CFAP251: variants seen among roughly 807,000 people sequenced by gnomAD.
CFAP251 encodes the protein cilia- and flagella-associated protein 251.
A neutral mutation model predicts 126.7 loss-of-function variants in CFAP251; 93 were observed. The ratio of observed to expected loss-of-function variants is 0.73; its 90% CI spans 0.62 to 0.87. The LOEUF (loss-of-function observed/expected upper bound fraction) is 0.87. Among genes scored for constraint, CFAP251 ranks in the 40% least tolerant of loss-of-function variants. CFAP251 has a pLI of 0.00. For missense variants in CFAP251, 1,287 were observed against 1,389.2 expected (o/e 0.93, Z 1.17); for synonymous variants, 503 against 506.9 (o/e 0.99, Z 0.10).
At chr12:121,987,542 C>G (rs1882779060) in intron 19 of CFAP251, among the ~76,000 whole-genome samples, 1 of 151,932 alleles carries the variant, frequency 6.6e-6, no homozygotes, top group Admixed American at 6.6e-5. Context: ...TGGTGAAGCC[C>G]TGTCTCTACT....
At chr12:121,954,585 A>C (rs1319827179) in intron 10 of CFAP251, among the ~76,000 whole-genome samples, 1 of 126,192 alleles carries the variant, frequency 7.9e-6, no homozygotes, top group Admixed American at 1.0e-4. Flanking sequence ...GCAATGAGCT[A>C]TCATTGCCAC....
At chr12:121,972,270 G>C (rs889387830) in intron 17 of CFAP251, among the ~76,000 whole-genome samples, 1 of 152,214 alleles carries the variant, frequency 6.6e-6, no homozygotes, top group Non-Finnish European at 1.5e-5. Context: ...GAACTTCCTA[G>C]AGACTTGTTG....
chr12:121,951,548 AT>A lies in CFAP251; in HGVS notation c.1320+23del. The A allele has an allele frequency of 1.3e-6, 2 of 1,566,456 alleles. No homozygotes were observed. The highest frequency in any genetic ancestry group is 1.8e-6 in the Non-Finnish European group (2 of 1,142,242). On this transcript the variant is annotated intron_variant, in intron 9 of 21. Coordinates refer to ENST00000288912, the MANE Select transcript of CFAP251 (RefSeq NM_144668.6). ...CTGAAAAAGTGAGTATGCCTATTGC[AT>A]TTTTGTCCATCAGATTTTGTGGAGA...
intron 7 of CFAP251, 87 bp from the exon 8 acceptor site, chr12:121,948,897 A>T: frequency 1.3e-6 from 1 of 768,888 alleles, no homozygotes; most frequent in Non-Finnish European, 2.1e-6. Flanking sequence ...CATTTGTTTT[A>T]ATTAAAATTA....
At chr12:121,927,494 G>A (rs973134358) in intron 3 of CFAP251, among the ~76,000 whole-genome samples, 1 of 151,948 alleles carries the variant, frequency 6.6e-6, no homozygotes, top group Non-Finnish European at 1.5e-5. Flanking sequence ...ACAGGGTTTC[G>A]CCATGTAGGC....
intron 3 of CFAP251, among the ~76,000 whole-genome samples, chr12:121,928,658 G>GTATATATATACGTA (rs1215248573): frequency 1.1e-4 from 3 of 26,720 alleles, no homozygotes; most frequent in African/African-American, 1.8e-4. Context: ...ATATATATAC[G>GTATATATATACGTA]TATATATATA....
intron 19 of CFAP251, among the ~76,000 whole-genome samples, chr12:121,988,726 A>AT (rs1365407338): frequency 7.0e-5 from 10 of 142,148 alleles, no homozygotes; most frequent in East Asian, 4.2e-4. Flanking sequence ...TTGTTGTTGG[A>AT]TTTTTTTTTC....
intron 19 of CFAP251, among the ~76,000 whole-genome samples, chr12:121,990,649 T>C (rs1181865881): frequency 6.6e-6 from 1 of 152,190 alleles, no homozygotes; most frequent in Non-Finnish European, 1.5e-5. Flanking sequence ...GATGTTCTCC[T>C]GCATCTTGGC....
intron 21 of CFAP251, 183 bp downstream of exon 21, chr12:122,001,781 TC>T: frequency 1.6e-6 from 1 of 615,856 alleles, no homozygotes; most frequent in Non-Finnish European, 2.9e-6. Context: ...TGGCTTTTGT[TC>T]CCGCGCTCTG....
chr12:121,940,722 T>C (rs1398834680), intron 5 of CFAP251, among the ~76,000 whole-genome samples: 1 of 152,202 alleles, frequency 6.6e-6, no homozygotes, highest in Non-Finnish European at 1.5e-5. Flanking sequence ...TAATTCTGGG[T>C]ATTTCAAGGC....
At chr12:121,920,644 C>T (rs1010141470) in intron 1 of CFAP251, among the ~76,000 whole-genome samples, 1 of 152,274 alleles carries the variant, frequency 6.6e-6, no homozygotes, top group South Asian at 2.1e-4. Flanking sequence ...GATCCACCCG[C>T]GTCAGCCTCC....
chr12:121,938,720 T>C (rs544875371), intron 5 of CFAP251, among the ~76,000 whole-genome samples: 28 of 149,306 alleles, frequency 1.9e-4, no homozygotes, highest in Admixed American at 5.3e-4. Flanking sequence ...TGGTGGCTCA[T>C]GCCTGTAATC....
chr12:121,995,297 T>G (rs1167191117), intron 19 of CFAP251, among the ~76,000 whole-genome samples: 1 of 152,244 alleles, frequency 6.6e-6, no homozygotes, highest in Non-Finnish European at 1.5e-5. Flanking sequence ...AATTATATAG[T>G]GCAATATGCA....
At position 121,999,790 on chromosome 12, in the gene CFAP251, A is replaced by G; in HGVS notation, c.3081A>G (p.Leu1027=). ...DTGKLIDKIN[L]PDFLKVYLNH... ...GAAAGCTAATCGACAAGATCAACTTACCAGATTTCCTAAAAGTGTACCTTA... is the reference window on the plus strand; with the variant it reads ...GAAAGCTAATCGACAAGATCAACTTGCCAGATTTCCTAAAAGTGTACCTTA... Residue 1027 remains leucine (L), a synonymous_variant, in exon 20 of 22, where the codon TTA becomes TTG. Coordinates refer to ENST00000288912, the MANE Select transcript of CFAP251 (RefSeq NM_144668.6). 6.2e-7 allele frequency: 1 copy of G among 1,614,104 alleles called. No individual in the cohort carries two copies. Among genetic ancestry groups the G allele is most frequent in the Non-Finnish European group, 8.5e-7 (1 of 1,179,972 alleles).
At chr12:121,949,136 G>T in intron 8 of CFAP251, 75 bp downstream of exon 8, 1 of 944,040 alleles carries the variant, frequency 1.1e-6, no homozygotes, top group Non-Finnish European at 1.6e-6. Flanking sequence ...AAATGTTTCA[G>T]TAATGTAACA....
chr12:121,930,504 A>G (rs186095764), intron 3 of CFAP251, among the ~76,000 whole-genome samples: 161 of 152,232 alleles, frequency 1.1e-3, no homozygotes, highest in African/African-American at 3.7e-3. Context: ...AAAAAAACAA[A>G]AAAAACCCCA....
chr12:121,930,824 C>T (rs528604596), intron 3 of CFAP251, among the ~76,000 whole-genome samples: 1 of 149,390 alleles, frequency 6.7e-6, no homozygotes, highest in South Asian at 2.1e-4. Flanking sequence ...TCTTAGCTCA[C>T]TGCAACCTCC....
chr12:122,000,289 T>C (rs895377634), intron 20 of CFAP251, among the ~76,000 whole-genome samples: 1 of 152,090 alleles, frequency 6.6e-6, no homozygotes, highest in Non-Finnish European at 1.5e-5. Flanking sequence ...CAGTGGCTCA[T>C]GCCTGTAATC....
intron 16 of CFAP251, among the ~76,000 whole-genome samples, chr12:121,967,380 G>T (rs963714797): frequency 2.6e-5 from 4 of 152,202 alleles, no homozygotes; most frequent in Non-Finnish European, 4.4e-5. Context: ...ACACTTTGTT[G>T]TACATTTAAT....
Sources: allele counts gnomAD v4.1 joint callset (sites outside exome capture counted in the v4.1 genomes callset), GRCh38; gene constraint gnomAD v4.1.1; transcripts MANE v1.5; gene names NCBI Gene and HGNC (gene_info 2026-07-23, HGNC 2026-07-21).